LSAMP: variants seen among roughly 807,000 people sequenced by gnomAD.
LSAMP encodes the protein limbic system-associated membrane protein.
A neutral mutation model predicts 38.6 loss-of-function variants in LSAMP; 7 were observed. The observed-to-expected ratio is 0.18, with a 90% CI of 0.10 to 0.34. The LOEUF (loss-of-function observed/expected upper bound fraction) is 0.34, where lower values mean the gene tolerates loss of function less well. Among genes scored for constraint, LSAMP ranks in the 10% least tolerant of loss-of-function variants. The pLI is 1.00. For missense variants in LSAMP, 313 were observed against 420.0 expected (o/e 0.75, Z 2.23); for synonymous variants, 154 against 166.8 (o/e 0.92, Z 0.59).
intron 3 of LSAMP, among the ~76,000 whole-genome samples, chr3:115,973,601 G>A (rs1487550132): frequency 6.6e-6 from 1 of 152,060 alleles, no homozygotes; most frequent in African/African-American, 2.4e-5. Flanking sequence ...TGGCATGGTG[G>A]CAGGTGCCTG....
intron 1 of LSAMP, among the ~76,000 whole-genome samples, chr3:116,423,651 T>A (rs929477531): frequency 1.3e-5 from 2 of 152,200 alleles, no homozygotes; most frequent in Admixed American, 6.5e-5. Flanking sequence ...CCACGGTCCC[T>A]GGCTGAATAC....
intron 1 of LSAMP, among the ~76,000 whole-genome samples, chr3:116,164,585 ATAT>A (rs1709985714): frequency 9.8e-6 from 1 of 101,602 alleles, no homozygotes; most frequent in Non-Finnish European, 2.0e-5. Context: ...ATATATATAT[ATAT>A]ATATATAATC....
At chr3:116,092,668 A>G (rs1708150192) in intron 1 of LSAMP, among the ~76,000 whole-genome samples, 1 of 152,204 alleles carries the variant, frequency 6.6e-6, no homozygotes, top group Admixed American at 6.5e-5. Flanking sequence ...CATCAAGTCT[A>G]TTATGCAGAC....
chr3:116,304,114 C>A (rs1007245243), intron 1 of LSAMP, among the ~76,000 whole-genome samples: 12 of 152,150 alleles, frequency 7.9e-5, no homozygotes, highest in African/African-American at 2.9e-4. Flanking sequence ...ACGTTCTCTG[C>A]AGTTCAACAA....
intron 3 of LSAMP, among the ~76,000 whole-genome samples, chr3:115,862,975 C>T (rs141769912): frequency 3.6e-4 from 55 of 152,264 alleles, no homozygotes; most frequent in African/African-American, 1.3e-3. Flanking sequence ...CCAGGCTGGG[C>T]CCATGCGCTC....
chr3:115,927,805 CTT>C (rs752574278), intron 3 of LSAMP, among the ~76,000 whole-genome samples: 2 of 152,184 alleles, frequency 1.3e-5, no homozygotes, highest in South Asian at 4.1e-4. Context: ...TGCTTCAAGT[CTT>C]TGCTCAAATC....
intron 1 of LSAMP, among the ~76,000 whole-genome samples, chr3:116,117,698 C>G (rs917999615): frequency 2.0e-5 from 3 of 151,934 alleles, no homozygotes; most frequent in Non-Finnish European, 2.9e-5. Context: ...TGTGGCATGT[C>G]TATTTAATGA....
intron 3 of LSAMP, among the ~76,000 whole-genome samples, chr3:116,010,749 A>G (rs990177832): frequency 6.6e-6 from 1 of 152,222 alleles, no homozygotes; most frequent in Non-Finnish European, 1.5e-5. Flanking sequence ...CTTCTTGGCA[A>G]TAAATTACTG....
At chr3:116,148,896 A>C (rs920428362) in intron 1 of LSAMP, among the ~76,000 whole-genome samples, 5 of 152,150 alleles carry the variant, frequency 3.3e-5, no homozygotes, top group Middle Eastern at 3.4e-3. Context: ...ACTCTCTGCT[A>C]TCTGCAATCA....
chr3:116,222,649 G>C (rs2046300069), intron 1 of LSAMP, among the ~76,000 whole-genome samples: 1 of 148,946 alleles, frequency 6.7e-6, no homozygotes, highest in Admixed American at 6.7e-5. Context: ...GAAGCCAGGA[G>C]TGGGCTCTCT....
chr3:115,994,065 T>C (rs1939747848), intron 3 of LSAMP, among the ~76,000 whole-genome samples: 1 of 152,100 alleles, frequency 6.6e-6, no homozygotes, highest in African/African-American at 2.4e-5. Context: ...TCTACCTTTG[T>C]GATTTGAATC....
chr3:116,352,066 C>T (rs572998102), intron 1 of LSAMP, among the ~76,000 whole-genome samples: 13 of 152,106 alleles, frequency 8.5e-5, no homozygotes, highest in South Asian at 2.1e-4. Flanking sequence ...AAAGGTTCAC[C>T]GCTTCACCGT....
intron 1 of LSAMP, among the ~76,000 whole-genome samples, chr3:116,123,416 C>A (rs1407695187): frequency 6.6e-6 from 1 of 152,140 alleles, no homozygotes; most frequent in Non-Finnish European, 1.5e-5. Context: ...AAAATGGCAA[C>A]AAAAGTCTAG....
chr3:116,020,370 G>C (rs1369291886), intron 2 of LSAMP, among the ~76,000 whole-genome samples: 1 of 152,082 alleles, frequency 6.6e-6, no homozygotes, highest in Non-Finnish European at 1.5e-5. Flanking sequence ...ACCCAACATA[G>C]AGTATTTAAC....
chr3:116,301,198 T>G (rs1170791482), intron 1 of LSAMP, among the ~76,000 whole-genome samples: 1 of 152,106 alleles, frequency 6.6e-6, no homozygotes, highest in Admixed American at 6.5e-5. Context: ...AATAGAAATA[T>G]GCAATAAAAA....
intron 1 of LSAMP, among the ~76,000 whole-genome samples, chr3:116,262,439 T>G (rs571283749): frequency 2.8e-4 from 42 of 152,298 alleles, no homozygotes; most frequent in African/African-American, 1.0e-3. Context: ...GACTCCATAT[T>G]GAGGTCTTAA....
At chr3:116,394,478 T>G (rs183723760) in intron 1 of LSAMP, among the ~76,000 whole-genome samples, 132 of 152,280 alleles carry the variant, frequency 8.7e-4, no homozygotes, top group African/African-American at 3.0e-3. Flanking sequence ...TTTGACATTC[T>G]CTCCTGAAAA....
In LSAMP at chr3:116,329,259, T is replaced by C. The variant is rs542746714; in HGVS notation, c.155+115618A>G. Among the ~76,000 whole-genome samples the C allele has an allele frequency of 2.0e-5, 3 of 152,230 alleles. No homozygotes were observed. In the South Asian group the frequency reaches 6.2e-4, roughly 32 times the overall value. ...TCTACCTTTTATTGCAATTTTAGGG[T>C]TAGACAAACTAAAGCAGAGAGTCAC... On this transcript the variant is annotated intron_variant, in intron 1 of 6. Transcript: ENST00000490035.
chr3:116,295,883 A>G (rs890399641), intron 1 of LSAMP, among the ~76,000 whole-genome samples: 2 of 152,258 alleles, frequency 1.3e-5, no homozygotes, highest in African/African-American at 2.4e-5. Context: ...GAAGGGGACT[A>G]GAGTGTTATT....
Sources: allele counts gnomAD v4.1 joint callset (sites outside exome capture counted in the v4.1 genomes callset), GRCh38; gene constraint gnomAD v4.1.1; transcripts MANE v1.5; gene names NCBI Gene and HGNC (gene_info 2026-07-23, HGNC 2026-07-21).